The following UNC5C variants were observed in gnomAD, a reference collection of about 807,000 sequenced individuals.
UNC5C encodes the protein netrin receptor UNC5C.
UNC5C carries 47 observed loss-of-function variants against 99.8 expected under a neutral mutation model. The observed-to-expected ratio is 0.47, with a 90% confidence interval of 0.37 to 0.60. The LOEUF is 0.60. Ranked by LOEUF, UNC5C falls within the 20% of genes least tolerant of loss-of-function variation. The pLI is 0.00. For synonymous variants in UNC5C, 487 were observed against 452.2 expected, an observed-to-expected ratio of 1.08 and a Z score of -0.98; for missense variants, 1,062 against 1,165.9, an observed-to-expected ratio of 0.91 and a Z score of 1.30.
intron 1 of UNC5C, among the ~76,000 whole-genome samples, chr4:95,375,951 G>T (rs1579368421): frequency 6.6e-6 from 1 of 152,212 alleles, no homozygotes; most frequent in African/African-American, 2.4e-5. Context: ...TACTCAGGAG[G>T]CTGAGGCAGG....
intron 7 of UNC5C, among the ~76,000 whole-genome samples, chr4:95,237,052 C>A (rs1346828289): frequency 6.6e-6 from 1 of 152,068 alleles, no homozygotes; most frequent in African/African-American, 2.4e-5. Flanking sequence ...TACTTTAAAC[C>A]ATCTCTAGGT....
chr4:95,376,424 A>G (rs1744897721), intron 1 of UNC5C, among the ~76,000 whole-genome samples: 1 of 152,134 alleles, frequency 6.6e-6, no homozygotes, highest in Non-Finnish European at 1.5e-5. Flanking sequence ...CTATATGAAC[A>G]AGTATATATA....
intron 3 of UNC5C, among the ~76,000 whole-genome samples, chr4:95,294,292 A>T (rs1396926439): frequency 6.6e-6 from 1 of 152,224 alleles, no homozygotes; most frequent in Non-Finnish European, 1.5e-5. Flanking sequence ...GACTTGATCC[A>T]AATCCACAGG....
intron 1 of UNC5C, among the ~76,000 whole-genome samples, chr4:95,536,082 A>ATATATAT (rs1180330785): frequency 1.3e-5 from 1 of 78,444 alleles, no homozygotes; most frequent in African/African-American, 4.0e-5. Context: ...ATATATATAT[A>ATATATAT]TTTTTTTTTT....
intron 12 of UNC5C, among the ~76,000 whole-genome samples, chr4:95,191,694 CCT>C (rs1335951807): frequency 6.6e-6 from 1 of 150,922 alleles, no homozygotes; most frequent in Admixed American, 6.6e-5. Flanking sequence ...CCAATCACCT[CCT>C]CCCCTGCTTA....
chr4:95,229,203 C>CAT, intron 7 of UNC5C, among the ~76,000 whole-genome samples: 1 of 152,214 alleles, frequency 6.6e-6, no homozygotes, highest in East Asian at 1.9e-4. Context: ...TAGGTATACA[C>CAT]ATGCCATGGT....
At chr4:95,192,462 G>A (rs1417380794) in intron 12 of UNC5C, among the ~76,000 whole-genome samples, 3 of 63,782 alleles carry the variant, frequency 4.7e-5, no homozygotes, top group African/African-American at 2.0e-4. Context: ...CTCCTTCCCT[G>A]TTCACCTCCT....
At chr4:95,170,565 G>T (rs1342113137) in intron 14 of UNC5C, among the ~76,000 whole-genome samples, 1 of 152,178 alleles carries the variant, frequency 6.6e-6, no homozygotes, top group Non-Finnish European at 1.5e-5. Context: ...CCTCAGATTT[G>T]TGAGTCTTTG....
In UNC5C at chr4:95,241,786, C is replaced by T. The variant is rs371196060; in HGVS notation, c.1108+643G>A. On this transcript the variant is annotated intron_variant, in intron 7 of 15. Transcript: ENST00000453304. ...ATTAAGAAAATCTAAAGAACAAAGA[C>T]GTGAAAAAAATGGAGAATATCTAGC... Among the ~76,000 whole-genome samples, 72 of 152,056 alleles carry T rather than the reference C, an allele frequency of 4.7e-4. No homozygotes were observed. The South Asian group carries it at 0.011, about 24-fold the overall frequency.
chr4:95,459,872 A>T (rs1747549103), intron 1 of UNC5C, among the ~76,000 whole-genome samples: 1 of 152,210 alleles, frequency 6.6e-6, no homozygotes. Flanking sequence ...TCATAATTTT[A>T]TAAATATATA....
intron 14 of UNC5C, among the ~76,000 whole-genome samples, chr4:95,170,660 G>A (rs1257555203): frequency 6.6e-6 from 1 of 152,170 alleles, no homozygotes; most frequent in Admixed American, 6.5e-5. Context: ...AGAGAAGAGA[G>A]GGAATATCAG....
chr4:95,184,377 A>C (rs1228050418), intron 13 of UNC5C, among the ~76,000 whole-genome samples: 1 of 152,188 alleles, frequency 6.6e-6, no homozygotes, highest in Non-Finnish European at 1.5e-5. Context: ...ATTTGCATAA[A>C]TATCAACATG....
At chr4:95,290,193 A>G (rs1454623889) in intron 3 of UNC5C, among the ~76,000 whole-genome samples, 1 of 151,944 alleles carries the variant, frequency 6.6e-6, no homozygotes, top group African/African-American at 2.4e-5. Flanking sequence ...GTAGTCCCAG[A>G]TACTAGGGAG....
At chr4:95,371,226 T>G (rs995487164) in intron 1 of UNC5C, among the ~76,000 whole-genome samples, 1 of 152,132 alleles carries the variant, frequency 6.6e-6, no homozygotes, top group African/African-American at 2.4e-5. Context: ...TGCTGTTTCA[T>G]AACGTTTCTC....
Position 95,183,139 on chromosome 4 carries a change from C to T in UNC5C, c.2287-78G>A, listed in dbSNP as rs3733213. The T allele has an allele frequency of 1.0e-5, 14 of 1,405,302 alleles. No individual in the cohort carries two copies. In the East Asian group the frequency reaches 3.0e-4, roughly 30 times the overall value. The allele number at this position is 1,405,302 out of a possible 1,614,324, so 87.1% of individuals were successfully genotyped here. A position where few individuals can be genotyped will look rare whatever the true frequency, so the allele number is the denominator to read the frequency against. On this transcript the variant is annotated intron_variant, in intron 13 of 15. Coordinates refer to ENST00000453304, the MANE Select transcript of UNC5C (RefSeq NM_003728.4). ...CTCTCAGATGGTCTGCTGCCAGGTA[C>T]TCTGAGTATCACACCTGTGGCCTCA... is the stretch of plus-strand genomic sequence containing the variant.
Position 95,471,527 on chromosome 4 carries a change from A to AC in UNC5C, c.124+77206dup, listed in dbSNP as rs370171626. On this transcript the variant is annotated intron_variant, in intron 1 of 15. Transcript: ENST00000453304. Reference sequence around the variant, plus strand: ...ACCTGCAGTTTACATGAGTACTTGGACCCCCCTGACATGCAGTTTACCACA... The same window carrying AC: ...ACCTGCAGTTTACATGAGTACTTGGACCCCCCCTGACATGCAGTTTACCACA... 5.7e-3 allele frequency among the ~76,000 whole-genome samples: 862 copies of AC among 151,980 alleles called. 7 individuals carry two copies. Among genetic ancestry groups the AC allele is most frequent in the African/African-American group, 0.019 (801 of 41,450 alleles).
chr4:95,370,296 CATTT>C (rs1744705337), intron 1 of UNC5C, among the ~76,000 whole-genome samples: 1 of 151,612 alleles, frequency 6.6e-6, no homozygotes, highest in African/African-American at 2.4e-5. Context: ...AGATTAATTT[CATTT>C]GTTTTTTTAA....
intron 14 of UNC5C, among the ~76,000 whole-genome samples, chr4:95,174,546 A>C (rs574725789): frequency 6.6e-6 from 1 of 152,000 alleles, no homozygotes; most frequent in East Asian, 1.9e-4. Context: ...TATGTAGTTG[A>C]GCGGTTTTGA....
chr4:95,498,918 A>G (rs970682915), intron 1 of UNC5C, among the ~76,000 whole-genome samples: 4 of 152,078 alleles, frequency 2.6e-5, no homozygotes, highest in African/African-American at 9.7e-5. Flanking sequence ...TAAAATAAAA[A>G]TGTACTTCTC....
Sources: gnomAD v4.1 joint callset for allele counts (sites outside exome capture counted in the v4.1 genomes callset) on GRCh38, gnomAD v4.1.1 for gene constraint, MANE v1.5 for transcripts, NCBI Gene and HGNC (gene_info 2026-07-23, HGNC 2026-07-21) for gene names.